Variants in ADAMTSL3 observed in about 807,000 individuals in gnomAD.
ADAMTSL3 encodes ADAMTS-like protein 3.
A neutral mutation model predicts 201.7 loss-of-function variants in ADAMTSL3; 128 were observed. The observed-to-expected ratio is 0.63, with a 90% CI of 0.55 to 0.73. The LOEUF (loss-of-function observed/expected upper bound fraction) is 0.73. Among genes scored for constraint, ADAMTSL3 ranks in the 30% least tolerant of loss-of-function variants. ADAMTSL3 has a pLI of 0.00. For missense variants in ADAMTSL3, 1,990 were observed against 2,119.6 expected (o/e 0.94, Z 1.20); for synonymous variants, 738 against 748.4 (o/e 0.99, Z 0.23).
At chr15:83,832,136 A>G (rs911453735) in intron 6 of ADAMTSL3, among the ~76,000 whole-genome samples, 1 of 152,174 alleles carries the variant, frequency 6.6e-6, no homozygotes, top group African/African-American at 2.4e-5. Context: ...ATATTGTTTG[A>G]TGGCCTCAAT....
chr15:83,886,348 G>A (rs1403116682), intron 10 of ADAMTSL3, among the ~76,000 whole-genome samples: 1 of 152,208 alleles, frequency 6.6e-6, no homozygotes, highest in Non-Finnish European at 1.5e-5. Context: ...CATGTGTCAA[G>A]CCAAGGGTTA....
chr15:84,039,834 C>G lies in ADAMTSL3; in HGVS notation c.*2028C>G, dbSNP rs895493658. On this transcript the variant is annotated 3_prime_UTR_variant, in exon 30 of 30. Coordinates refer to ENST00000286744, the MANE Select transcript of ADAMTSL3 (RefSeq NM_207517.3). ...ATTTACTTTGATTATTCAGTGGCATCCTTATAAATGTAGGCAGCTTATGTG... is the reference window on the plus strand; with the variant it reads ...ATTTACTTTGATTATTCAGTGGCATGCTTATAAATGTAGGCAGCTTATGTG... 6.6e-6 allele frequency: 1 copy of G among 152,618 alleles called. No homozygotes were observed. The highest frequency in any genetic ancestry group is 1.5e-5 in the Non-Finnish European group (1 of 68,040). 9.5% of individuals were successfully genotyped at this position (152,618 alleles called of 1,614,324 possible). A position where few individuals can be genotyped will look rare whatever the true frequency, so the allele number is the denominator to read the frequency against.
intron 3 of ADAMTSL3, among the ~76,000 whole-genome samples, chr15:83,729,916 T>C (rs1283888497): frequency 6.6e-6 from 1 of 152,036 alleles, no homozygotes; most frequent in Non-Finnish European, 1.5e-5. Flanking sequence ...GCTTTCTAAG[T>C]ATTTGATGGG....
At chr15:83,937,132 C>A (rs1025631522) in intron 17 of ADAMTSL3, among the ~76,000 whole-genome samples, 1 of 150,718 alleles carries the variant, frequency 6.6e-6, no homozygotes, top group African/African-American at 2.5e-5. Context: ...AAAAAATTAC[C>A]GTTTGACCCA....
chr15:83,715,453 G>A (rs930421893), intron 3 of ADAMTSL3, among the ~76,000 whole-genome samples: 2 of 152,162 alleles, frequency 1.3e-5, no homozygotes, highest in Non-Finnish European at 2.9e-5. Flanking sequence ...TGAACTGATT[G>A]GGTACTTTCT....
At chr15:83,988,210 G>A (rs925063134) in intron 21 of ADAMTSL3, among the ~76,000 whole-genome samples, 2 of 152,108 alleles carry the variant, frequency 1.3e-5, no homozygotes, top group Non-Finnish European at 2.9e-5. Flanking sequence ...TCTTCATACA[G>A]GAATAATGAG....
intron 3 of ADAMTSL3, among the ~76,000 whole-genome samples, chr15:83,749,054 G>C (rs983230655): frequency 6.6e-6 from 1 of 152,130 alleles, no homozygotes; most frequent in African/African-American, 2.4e-5. Context: ...CCCAAAGAAA[G>C]CCTTGGCACA....
At chr15:83,693,454 A>G (rs1372713260) in intron 2 of ADAMTSL3, among the ~76,000 whole-genome samples, 1 of 152,192 alleles carries the variant, frequency 6.6e-6, no homozygotes, top group East Asian at 1.9e-4. Context: ...GGGTCACTCT[A>G]CTGCCTTGGG....
intron 2 of ADAMTSL3, among the ~76,000 whole-genome samples, chr15:83,684,622 A>G (rs1190371247): frequency 6.6e-6 from 1 of 152,162 alleles, no homozygotes; most frequent in Admixed American, 6.6e-5. Flanking sequence ...AGACAATTAT[A>G]CTGTGAGTAT....
rs77015165 is a variant in ADAMTSL3 at position 83,712,430 on chromosome 15, C to T, written c.189+7922C>T. ...CATACCTCACAACCCAAGTGCTACA[C>T]GGCTAAGGTGGGGGGTTGACCTTCT... On this transcript the variant is annotated intron_variant, in intron 3 of 29. Transcript: ENST00000286744. Among the ~76,000 whole-genome samples the T allele has an allele frequency of 4.5e-3, 688 of 152,310 alleles. 2 individuals carry two copies. The highest frequency in any genetic ancestry group is 0.016 in the African/African-American group (654 of 41,574).
intron 19 of ADAMTSL3, among the ~76,000 whole-genome samples, chr15:83,968,523 A>G (rs938266441): frequency 6.6e-6 from 1 of 152,250 alleles, no homozygotes; most frequent in African/African-American, 2.4e-5. Flanking sequence ...CAGATGCTGG[A>G]GAGGATATGG....
intron 15 of ADAMTSL3, among the ~76,000 whole-genome samples, chr15:83,905,907 TA>T (rs1266753697): frequency 6.6e-6 from 1 of 152,096 alleles, no homozygotes; most frequent in Non-Finnish European, 1.5e-5. Flanking sequence ...TTTTTTTTTT[TA>T]AATGTTATTT....
At chr15:83,766,843 G>A (rs565055425) in intron 3 of ADAMTSL3, among the ~76,000 whole-genome samples, 2 of 152,162 alleles carry the variant, frequency 1.3e-5, no homozygotes, top group Admixed American at 6.5e-5. Flanking sequence ...GCCTGTAATC[G>A]CAGCACTTTG....
At chr15:83,947,265 A>G (rs927333375) in intron 19 of ADAMTSL3, among the ~76,000 whole-genome samples, 1 of 152,244 alleles carries the variant, frequency 6.6e-6, no homozygotes. Context: ...GGACACAGAA[A>G]GGCTGAGCAG....
chr15:83,840,938 G>C (rs1316370906), intron 7 of ADAMTSL3, among the ~76,000 whole-genome samples: 1 of 152,204 alleles, frequency 6.6e-6, no homozygotes, highest in Non-Finnish European at 1.5e-5. Flanking sequence ...TTAGAGGATG[G>C]CTTTTGCCTA....
intron 3 of ADAMTSL3, among the ~76,000 whole-genome samples, chr15:83,736,320 A>G (rs549137329): frequency 5.9e-5 from 9 of 152,358 alleles, no homozygotes; most frequent in African/African-American, 2.2e-4. Context: ...TAAGAATTTA[A>G]GACAAGACAC....
At chr15:83,867,937 A>G (rs955733377) in intron 8 of ADAMTSL3, among the ~76,000 whole-genome samples, 33 of 152,248 alleles carry the variant, frequency 2.2e-4, no homozygotes, top group Non-Finnish European at 1.6e-4. Context: ...AGGCATCACT[A>G]GAGACCTGAG....
intron 8 of ADAMTSL3, among the ~76,000 whole-genome samples, chr15:83,865,937 A>C (rs1443880873): frequency 6.6e-6 from 1 of 152,196 alleles, no homozygotes; most frequent in African/African-American, 2.4e-5. Context: ...GCCCCATCAA[A>C]AAGTGGGTGA....
At chr15:83,781,607 T>C (rs989657289) in intron 4 of ADAMTSL3, among the ~76,000 whole-genome samples, 13 of 152,082 alleles carry the variant, frequency 8.5e-5, no homozygotes, top group African/African-American at 3.1e-4. Context: ...AAAAATGACA[T>C]CTAATTAAAC....
Sources: gnomAD v4.1 joint callset for allele counts (sites outside exome capture counted in the v4.1 genomes callset) on GRCh38, gnomAD v4.1.1 for gene constraint, MANE v1.5 for transcripts, NCBI Gene and HGNC (gene_info 2026-07-23, HGNC 2026-07-21) for gene names.